PTPN1: variants seen among roughly 807,000 people sequenced by gnomAD.
PTPN1 encodes tyrosine-protein phosphatase non-receptor type 1.
A neutral mutation model predicts 59.9 loss-of-function variants in PTPN1; 12 were observed. The observed-to-expected ratio is 0.20, with a 90% CI of 0.13 to 0.32. The LOEUF is 0.32. PTPN1 is among the 10% of genes least tolerant of loss of function. PTPN1 has a pLI of 1.00. For synonymous variants in PTPN1, 178 were observed against 203.6 expected (o/e 0.87, Z 1.07); for missense variants, 356 against 549.2 (o/e 0.65, Z 3.52).
intron 1 of PTPN1, among the ~76,000 whole-genome samples, chr20:50,535,139 G>C (rs6126036): frequency 1.3e-5 from 2 of 152,164 alleles, no homozygotes; most frequent in South Asian, 4.1e-4. Flanking sequence ...AGCTGGTTCA[G>C]GTCCTTCCTT....
At chr20:50,530,688 AT>A (rs1015765964) in intron 1 of PTPN1, among the ~76,000 whole-genome samples, 227 of 135,726 alleles carry the variant, frequency 1.7e-3, no homozygotes, top group African/African-American at 2.2e-3. Flanking sequence ...CGCCTGGCCA[AT>A]TTTTTTTTTT....
chr20:50,544,803 G>C lies in PTPN1; in HGVS notation c.64-16560G>C, dbSNP rs980179563. ...GCGGATCACCTGAGGTCAGGAGTTC[G>C]AGACTAGCCTGGCCAACACAGTGAA... On this transcript the variant is annotated intron_variant, in intron 1 of 9. Coordinates refer to ENST00000371621, the MANE Select transcript of PTPN1 (RefSeq NM_002827.4). Among the ~76,000 whole-genome samples, 3 of 152,198 alleles carry C rather than the reference G, an allele frequency of 2.0e-5. No homozygotes were observed. In the South Asian group the frequency reaches 6.2e-4, roughly 32 times the overall value.
In PTPN1 at chr20:50,564,984, T is replaced by A; in HGVS notation, c.170T>A (p.Ile57Asn). ...TGTCTTTCAGTTGACCATAGTCGGA[T>A]TAAACTACATCAAGAAGATAATGAC... is the stretch of plus-strand genomic sequence containing the variant. ...RDVSPFDHSR[I>N]KLHQEDNDYI... The change falls in exon 3 of 10, where the codon ATT (isoleucine) becomes AAT (asparagine). Residue 57 changes from isoleucine to asparagine, a missense_variant. Coordinates refer to ENST00000371621, the MANE Select transcript of PTPN1 (RefSeq NM_002827.4). The A allele has an allele frequency of 6.2e-7, 1 of 1,613,064 alleles. No individual in the cohort carries two copies. Among genetic ancestry groups the A allele is most frequent in the Non-Finnish European group, 8.5e-7 (1 of 1,179,748 alleles).
intron 1 of PTPN1, among the ~76,000 whole-genome samples, chr20:50,543,746 T>C (rs1219793234): frequency 6.6e-6 from 1 of 152,210 alleles, no homozygotes; most frequent in African/African-American, 2.4e-5. Flanking sequence ...AAAAAAGTGG[T>C]ATTCCAATAT....
intron 1 of PTPN1, among the ~76,000 whole-genome samples, chr20:50,522,920 A>ATTTTTT (rs11287235): frequency 1.4e-5 from 2 of 140,378 alleles, no homozygotes; most frequent in Non-Finnish European, 1.5e-5. Context: ...TGCCCGGCTA[A>ATTTTTT]TTTTTTTTTT....
chr20:50,521,736 C>T (rs1328376224), intron 1 of PTPN1, among the ~76,000 whole-genome samples: 1 of 152,198 alleles, frequency 6.6e-6, no homozygotes, highest in African/African-American at 2.4e-5. Flanking sequence ...TTAATTTGTG[C>T]CATTGTTTAT....
intron 5 of PTPN1, 93 bp from the exon 6 acceptor site, chr20:50,578,327 A>C: frequency 1.1e-6 from 1 of 896,500 alleles, no homozygotes; most frequent in Non-Finnish European, 1.7e-6. Flanking sequence ...TCTTAGAGGT[A>C]GAGAGTGGAA....
intron 4 of PTPN1, among the ~76,000 whole-genome samples, chr20:50,570,274 C>T (rs532391630): frequency 2.0e-5 from 3 of 152,136 alleles, no homozygotes; most frequent in Non-Finnish European, 4.4e-5. Context: ...TAGGACAGCG[C>T]GTGTTTAAAA....
chr20:50,533,695 C>CCA (rs934127084), intron 1 of PTPN1, among the ~76,000 whole-genome samples: 2 of 152,038 alleles, frequency 1.3e-5, no homozygotes, highest in African/African-American at 4.8e-5. Flanking sequence ...CCCTTGCCCC[C>CCA]CCCCAGAAAG....
chr20:50,510,992 T>C (rs2082504711), intron 1 of PTPN1, among the ~76,000 whole-genome samples: 1 of 152,042 alleles, frequency 6.6e-6, no homozygotes, highest in Non-Finnish European at 1.5e-5. Context: ...TCTTCCTTTG[T>C]CTCCCTGGGG....
intron 1 of PTPN1, among the ~76,000 whole-genome samples, chr20:50,545,538 T>C (rs2082671353): frequency 1.3e-5 from 2 of 152,248 alleles, no homozygotes; most frequent in African/African-American, 2.4e-5. Context: ...GAAATCTGTA[T>C]GTAGACCAAG....
chr20:50,526,825 A>T (rs1449365158), intron 1 of PTPN1, among the ~76,000 whole-genome samples: 1 of 151,800 alleles, frequency 6.6e-6, no homozygotes, highest in African/African-American at 2.4e-5. Flanking sequence ...CCATCTTCTT[A>T]CCTACCACCT....
chr20:50,568,335 T>G lies in PTPN1; in HGVS notation c.256-45T>G. 2.0e-6 allele frequency: 3 copies of G among 1,524,386 alleles called. No individual in the cohort carries two copies. The highest frequency in any genetic ancestry group is 2.7e-6 in the Non-Finnish European group (3 of 1,098,776). 94.4% of individuals were successfully genotyped at this position (1,524,386 alleles called of 1,614,324 possible). ...CAGAAGGTGAGCACACGCTGTAGCATGTTATGTTTCAGATGTCACATGTTG... is the reference window on the plus strand; with the variant it reads ...CAGAAGGTGAGCACACGCTGTAGCAGGTTATGTTTCAGATGTCACATGTTG... On this transcript the variant is annotated intron_variant, in intron 3 of 9. Coordinates refer to ENST00000371621, the MANE Select transcript of PTPN1 (RefSeq NM_002827.4). The surrounding 1 kb of genome is among the most constrained non-coding windows in gnomAD (Gnocchi z 5.6).
intron 1 of PTPN1, among the ~76,000 whole-genome samples, chr20:50,559,141 C>G (rs1413293728): frequency 6.7e-6 from 1 of 150,374 alleles, no homozygotes; most frequent in Non-Finnish European, 1.5e-5. Context: ...AAGTGATTCT[C>G]CTGCCTCAGC....
At chr20:50,566,787 C>T (rs1252585156) in intron 3 of PTPN1, among the ~76,000 whole-genome samples, 1 of 152,152 alleles carries the variant, frequency 6.6e-6, no homozygotes, top group African/African-American at 2.4e-5. Context: ...TGTGATCCTT[C>T]AGACCATTCT....
At chr20:50,574,758 G>A (rs1427308083) in intron 5 of PTPN1, 104 bp downstream of exon 5, 1 of 1,404,554 alleles carries the variant, frequency 7.1e-7, no homozygotes, top group Non-Finnish European at 9.7e-7. Context: ...CCTGGCTTTT[G>A]TATACCCCGA....
intron 1 of PTPN1, among the ~76,000 whole-genome samples, chr20:50,526,411 CA>C (rs1271541654): frequency 2.6e-5 from 4 of 151,944 alleles, no homozygotes; most frequent in African/African-American, 9.7e-5. Context: ...CTGTTTGCAG[CA>C]TTCCCTACTC....
chr20:50,569,477 G>T (rs2082795827), intron 4 of PTPN1, among the ~76,000 whole-genome samples: 2 of 152,198 alleles, frequency 1.3e-5, no homozygotes, highest in Non-Finnish European at 1.5e-5. Context: ...GAGAATAGCC[G>T]ATTTCTGGGC....
chr20:50,524,567 G>GTGTTTTTTTT (rs1386022104), intron 1 of PTPN1, among the ~76,000 whole-genome samples: 1 of 64,112 alleles, frequency 1.6e-5, no homozygotes, highest in Non-Finnish European at 3.1e-5. Context: ...CCATTATGTG[G>GTGTTTTTTTT]TCTTTTTTTT....
Sources: gnomAD v4.1 joint callset for allele counts (sites outside exome capture counted in the v4.1 genomes callset) on GRCh38, gnomAD v4.1.1 for gene constraint, Gnocchi (gnomAD v3.1) non-coding constraint, MANE v1.5 for transcripts, NCBI Gene and HGNC (gene_info 2026-07-23, HGNC 2026-07-21) for gene names.